The following HIVEP1 variants were observed in gnomAD, a reference collection of about 807,000 sequenced individuals.
HIVEP1 encodes the protein zinc finger protein 40.
In HIVEP1, 36 loss-of-function variants were observed where a neutral mutation model predicts 180.0. The observed-to-expected ratio is 0.20, with a 90% confidence interval of 0.15 to 0.26. The LOEUF is 0.26. HIVEP1 is among the 10% of genes least tolerant of loss of function. The probability of loss-of-function intolerance (pLI) is 1.00; values close to 1 mark genes in which losing one functional copy is unlikely to be tolerated. For missense variants in HIVEP1, 3,143 were observed against 3,268.7 expected (o/e 0.96, Z 0.94); for synonymous variants, 1,239 against 1,239.0 (o/e 1.00, Z 0.00).
intron 2 of HIVEP1, among the ~76,000 whole-genome samples, chr6:12,072,630 C>T (rs562179833): frequency 1.5e-3 from 228 of 152,248 alleles, no homozygotes; most frequent in African/African-American, 5.2e-3. Context: ...TATGATTCCA[C>T]AGTTTGTTCA....
chr6:12,165,613 A>T (rs561621403), downstream of HIVEP1, among the ~76,000 whole-genome samples: 3 of 152,358 alleles, frequency 2.0e-5, no homozygotes, highest in East Asian at 5.8e-4. Flanking sequence ...GGAGCCCCCA[A>T]TTACCAGTGC....
At chr6:12,097,528 TC>T (rs1773852209) in intron 3 of HIVEP1, among the ~76,000 whole-genome samples, 1 of 152,158 alleles carries the variant, frequency 6.6e-6, no homozygotes, top group African/African-American at 2.4e-5. Context: ...GAAAGTCATC[TC>T]CTTTTTTTAC....
the HIVEP1 span, among the ~76,000 whole-genome samples, chr6:12,204,531 C>T: frequency 6.6e-6 from 1 of 152,170 alleles, no homozygotes; most frequent in Admixed American, 6.5e-5. Context: ...GACTAAGAAC[C>T]TTTGGTTTTT....
chr6:12,049,975 A>T (rs2113712020), intron 2 of HIVEP1, among the ~76,000 whole-genome samples: 1 of 152,270 alleles, frequency 6.6e-6, no homozygotes, highest in South Asian at 2.1e-4. Context: ...GTTGCTGGCG[A>T]TGATATGGGC....
chr6:12,174,141 C>A, the HIVEP1 span, among the ~76,000 whole-genome samples: 7 of 152,124 alleles, frequency 4.6e-5, no homozygotes, highest in Non-Finnish European at 1.0e-4. Context: ...CAACCATGTG[C>A]AATCATAATA....
chr6:12,049,321 CCT>C (rs2113710055), intron 2 of HIVEP1, among the ~76,000 whole-genome samples: 1 of 152,208 alleles, frequency 6.6e-6, no homozygotes, highest in East Asian at 1.9e-4. Flanking sequence ...GGGTTCTGAC[CCT>C]CTCTCTTCCT....
At chr6:12,211,433 C>T in the HIVEP1 span, among the ~76,000 whole-genome samples, 2 of 146,226 alleles carry the variant, frequency 1.4e-5, no homozygotes, top group South Asian at 4.4e-4. Context: ...AAAAAGAGTA[C>T]TTTGAATAAT....
At chr6:12,196,487 T>C in the HIVEP1 span, among the ~76,000 whole-genome samples, 1 of 152,260 alleles carries the variant, frequency 6.6e-6, no homozygotes. Flanking sequence ...AGTTCTCCTC[T>C]GTAGCCACTG....
intron 7 of HIVEP1, among the ~76,000 whole-genome samples, chr6:12,142,452 C>T (rs980356688): frequency 2.6e-5 from 4 of 152,056 alleles, no homozygotes; most frequent in Admixed American, 2.0e-4. Context: ...AAAATCAACA[C>T]CTAGCATCAA....
the HIVEP1 span, among the ~76,000 whole-genome samples, chr6:12,204,283 G>A: frequency 1.8e-4 from 26 of 146,056 alleles, no homozygotes; most frequent in African/African-American, 6.6e-4. Context: ...TTTCTCTTGG[G>A]CTCAGCCCAG....
At chr6:12,197,667 C>T in the HIVEP1 span, among the ~76,000 whole-genome samples, 1 of 151,744 alleles carries the variant, frequency 6.6e-6, no homozygotes, top group African/African-American at 2.4e-5. Flanking sequence ...ATATTTTAGA[C>T]TGTCTTATGA....
In HIVEP1 at chr6:12,042,437, G is replaced by A. The variant is rs1769835777; in HGVS notation, c.40+26769G>A. Among the ~76,000 whole-genome samples, 3 of 146,192 alleles carry A rather than the reference G, an allele frequency of 2.1e-5. No individual in the cohort carries two copies. In the South Asian group the frequency reaches 6.8e-4, roughly 33 times the overall value. On this transcript the variant is annotated intron_variant, in intron 2 of 8. Coordinates refer to ENST00000379388, the MANE Select transcript of HIVEP1 (RefSeq NM_002114.4). ...CCTCTGTTGCCCAGGCTGGAGTGCA[G>A]TGGCCCGATCACAGCTCACTGCAGC...
the HIVEP1 span, among the ~76,000 whole-genome samples, chr6:12,178,573 C>CAAAT: frequency 6.6e-6 from 1 of 152,004 alleles, no homozygotes; most frequent in African/African-American, 2.4e-5. Flanking sequence ...ACCAGGTAGG[C>CAAAT]AAATATTAAG....
intron 2 of HIVEP1, among the ~76,000 whole-genome samples, chr6:12,031,196 A>G (rs775824159): frequency 1.3e-5 from 2 of 152,172 alleles, no homozygotes; most frequent in Non-Finnish European, 2.9e-5. Context: ...GCACTTTCAA[A>G]TCACAGGCAG....
intron 7 of HIVEP1, among the ~76,000 whole-genome samples, chr6:12,142,994 A>C (rs1421191284): frequency 1.3e-5 from 2 of 152,226 alleles, no homozygotes; most frequent in East Asian, 1.9e-4. Flanking sequence ...AAACTATTCC[A>C]ATCAATAGAA....
At chr6:12,182,184 C>T in the HIVEP1 span, among the ~76,000 whole-genome samples, 13 of 152,104 alleles carry the variant, frequency 8.5e-5, no homozygotes, top group Non-Finnish European at 1.3e-4. Flanking sequence ...TGCCAACTAA[C>T]GCACCTAAAA....
At chr6:12,016,475 C>A (rs1389721636) in intron 2 of HIVEP1, among the ~76,000 whole-genome samples, 1 of 152,134 alleles carries the variant, frequency 6.6e-6, no homozygotes, top group African/African-American at 2.4e-5. Flanking sequence ...AAAAAAAATT[C>A]TGAAGCGTAT....
Position 12,131,728 on chromosome 6 carries a change from A to G in HIVEP1, c.6385+786A>G, listed in dbSNP as rs183796377. ...ATATGCCACTCTCTAAAAACCAAAG[A>G]TCTCTCTTTAACAAAGCAAGGTAAT... On this transcript the variant is annotated intron_variant, in intron 6 of 8. Transcript: ENST00000379388. 5.6e-3 allele frequency among the ~76,000 whole-genome samples: 794 copies of G among 142,024 alleles called. 4 individuals are homozygous for G. The highest frequency in any genetic ancestry group is 0.019 in the African/African-American group (744 of 38,530). 93.2% of individuals were successfully genotyped at this position (142,024 alleles called of 152,430 possible). A position where few individuals can be genotyped will look rare whatever the true frequency, so the allele number is the denominator to read the frequency against.
Position 12,163,498 on chromosome 6 carries a change from G to C in HIVEP1, c.7194G>C (p.Met2398Ile), listed in dbSNP as rs1014137480. Residue 2398 changes from methionine to isoleucine, a missense_variant, in exon 9 of 9, where the codon ATG becomes ATC. Physicochemically the swap from Met to Ile is conservative, Grantham distance 10 (BLOSUM62 1). Transcript: ENST00000379388. Reference sequence around the variant, plus strand: ...AGCAATCGAGGACACCTTATAATATGGTTCCAGTTGGGGGGATCCATGTGG... The same window carrying C: ...AGCAATCGAGGACACCTTATAATATCGTTCCAGTTGGGGGGATCCATGTGG... Reference protein sequence around the residue: ...SQQQSRTPYNMVPVGGIHVVP... With the variant: ...SQQQSRTPYNIVPVGGIHVVP... 3.1e-6 allele frequency: 5 copies of C among 1,614,004 alleles called. No individual in the cohort carries two copies. In the African/African-American group the frequency reaches 6.7e-5, roughly 22 times the overall value.
Sources: allele counts gnomAD v4.1 joint callset (sites outside exome capture counted in the v4.1 genomes callset), GRCh38; gene constraint gnomAD v4.1.1; transcripts MANE v1.5; gene names NCBI Gene and HGNC (gene_info 2026-07-23, HGNC 2026-07-21).